The following FBN2 variants were observed in gnomAD, a reference collection of about 807,000 sequenced individuals.
FBN2 encodes fibrillin 2, also known as fibrillin-2.
A neutral mutation model predicts 355.6 loss-of-function variants in FBN2; 105 were observed. That is an observed-to-expected ratio of 0.30 (90% CI 0.25 to 0.35). FBN2 has a LOEUF of 0.35. Ranked by LOEUF, FBN2 falls within the 10% of genes least tolerant of loss-of-function variation. FBN2 has a pLI of 1.00. For synonymous variants in FBN2, 1,350 were observed against 1,301.2 expected (o/e 1.04, Z -0.81); for missense variants, 3,280 against 3,758.7 (o/e 0.87, Z 3.33).
At chr5:128,480,572 T>C (rs1755154963) in intron 5 of FBN2, among the ~76,000 whole-genome samples, 2 of 152,108 alleles carry the variant, frequency 1.3e-5, no homozygotes, top group Admixed American at 1.3e-4. Flanking sequence ...TAGCTGGGCA[T>C]GAGGGCGGGT....
chr5:128,372,460 T>G (rs562692047), intron 15 of FBN2, among the ~76,000 whole-genome samples: 1 of 152,110 alleles, frequency 6.6e-6, no homozygotes, highest in African/African-American at 2.4e-5. Flanking sequence ...AAAATGCTTA[T>G]CCTAATAGTT....
intron 36 of FBN2, among the ~76,000 whole-genome samples, chr5:128,317,661 A>T (rs1231953402): frequency 6.6e-6 from 1 of 152,200 alleles, no homozygotes; most frequent in Non-Finnish European, 1.5e-5. Context: ...TGCTGACCAC[A>T]GATTCTGAAC....
At chr5:128,448,582 C>A (rs1754139035) in intron 6 of FBN2, among the ~76,000 whole-genome samples, 1 of 152,144 alleles carries the variant, frequency 6.6e-6, no homozygotes, top group South Asian at 2.1e-4. Flanking sequence ...GCTGGGATTA[C>A]AGGCATGAGC....
At chr5:128,391,086 C>G (rs1389865384) in intron 11 of FBN2, among the ~76,000 whole-genome samples, 1 of 152,068 alleles carries the variant, frequency 6.6e-6, no homozygotes, top group African/African-American at 2.4e-5. Context: ...TTAGACAAAC[C>G]AATGGACTTT....
intron 7 of FBN2, among the ~76,000 whole-genome samples, chr5:128,445,350 G>GA (rs912247306): frequency 1.2e-4 from 18 of 151,320 alleles, no homozygotes; most frequent in South Asian, 6.3e-4. Flanking sequence ...CAGGGCAAAT[G>GA]AAAAAAAACA....
chr5:128,529,060 C>A (rs1756641569), intron 3 of FBN2, among the ~76,000 whole-genome samples: 2 of 152,214 alleles, frequency 1.3e-5, no homozygotes, highest in Non-Finnish European at 2.9e-5. Context: ...GTTCAAGTAG[C>A]CTGTGGTCAG....
chr5:128,394,122 A>T (rs941907576), intron 9 of FBN2, among the ~76,000 whole-genome samples: 1 of 152,202 alleles, frequency 6.6e-6, no homozygotes, highest in African/African-American at 2.4e-5. Flanking sequence ...TGTAAGAATG[A>T]TTAATGTGTC....
At chr5:128,375,647 C>G (rs1752060611) in intron 14 of FBN2, among the ~76,000 whole-genome samples, 1 of 152,174 alleles carries the variant, frequency 6.6e-6, no homozygotes, top group African/African-American at 2.4e-5. Flanking sequence ...AAGAATTGAG[C>G]ATGATCCTTA....
At chr5:128,319,128 C>G in intron 34 of FBN2, 127 bp from the exon 35 acceptor site, 1 of 721,226 alleles carries the variant, frequency 1.4e-6, no homozygotes, top group South Asian at 1.8e-5. Flanking sequence ...TTTTTTTTCT[C>G]TTTTTTGGCT....
At chr5:128,358,093 T>C (rs190034864) in intron 19 of FBN2, among the ~76,000 whole-genome samples, 1 of 152,288 alleles carries the variant, frequency 6.6e-6, no homozygotes, top group African/African-American at 2.4e-5. Flanking sequence ...AAACAATTCC[T>C]GTTGATGGTC....
chr5:128,301,645 A>G, intron 46 of FBN2, 135 bp from the exon 47 acceptor site: 1 of 813,104 alleles, frequency 1.2e-6, no homozygotes. Context: ...ATCAACAGAG[A>G]AAAATGGCAC....
At chr5:128,536,361 G>T in intron 2 of FBN2, 41 bp downstream of exon 2, 2 of 1,529,444 alleles carry the variant, frequency 1.3e-6, no homozygotes, top group East Asian at 2.3e-5. Flanking sequence ...AGATAGGGCC[G>T]AGTGCGCTGC....
rs2127082802 is a variant in FBN2 at position 128,463,863 on chromosome 5, A to C, written c.826+861T>G. Among the ~76,000 whole-genome samples, 2 of 152,294 alleles carry C rather than the reference A, an allele frequency of 1.3e-5. 1 individual carries two copies. Among genetic ancestry groups the C allele is most frequent in the East Asian group, 3.9e-4 (2 of 5,194 alleles). ...AAATAACCCTAACTCTCAAAGTCTC[A>C]AATATGAATAATATTATTTATGTGA... On this transcript the variant is annotated intron_variant, in intron 6 of 64. Transcript: ENST00000262464.
Position 128,344,370 on chromosome 5 carries a change from G to T in FBN2, c.3343+15C>A, listed in dbSNP as rs1171798081. On this transcript the variant is annotated intron_variant, in intron 25 of 64. Coordinates refer to ENST00000262464, the MANE Select transcript of FBN2 (RefSeq NM_001999.4). ...CAGCCAGAGTTTATCAAATAAAACA[G>T]CAGAACCATCTTACCCGTGCAGTTT... 1.2e-6 allele frequency: 2 copies of T among 1,613,856 alleles called. No homozygotes were observed. Among genetic ancestry groups the T allele is most frequent in the South Asian group, 2.2e-5 (2 of 91,084 alleles).
intron 5 of FBN2, among the ~76,000 whole-genome samples, chr5:128,516,485 C>T (rs576687294): frequency 6.6e-6 from 1 of 151,722 alleles, no homozygotes; most frequent in South Asian, 2.1e-4. Flanking sequence ...AAGTTAAATA[C>T]CATAATCATG....
At chr5:128,298,604 T>C (rs1377328861) in intron 48 of FBN2, among the ~76,000 whole-genome samples, 1 of 152,246 alleles carries the variant, frequency 6.6e-6, no homozygotes, top group African/African-American at 2.4e-5. Context: ...CCATCGCTGA[T>C]ACCCTTTCTT....
rs544175619 is a variant in FBN2, at chr5:128,335,114, T to C, written c.3973+56A>G. 114 of 1,609,066 alleles carry C rather than the reference T, an allele frequency of 7.1e-5. No homozygotes were observed. The African/African-American group carries it at 8.9e-4, about 13-fold the overall frequency. On this transcript the variant is annotated intron_variant, in intron 30 of 64. Transcript: ENST00000262464. The stretch of plus-strand genomic sequence containing the variant: ...TCCTTTTATCACGCTTGTGTGTGCA[T>C]GTGGGTGTGTGTGCATGTGTGTGTA...
At chr5:128,291,923 A>G (rs1749334516) in intron 48 of FBN2, among the ~76,000 whole-genome samples, 1 of 152,036 alleles carries the variant, frequency 6.6e-6, no homozygotes, top group South Asian at 2.1e-4. Flanking sequence ...ACCTGACATG[A>G]ACAACTCCAT....
chr5:128,277,753 C>T, intron 58 of FBN2, 127 bp downstream of exon 58: 1 of 1,113,632 alleles, frequency 9.0e-7, no homozygotes, highest in South Asian at 1.3e-5. Context: ...GAGAGGATGG[C>T]AACATTTTAA....
Sources: allele counts gnomAD v4.1 joint callset (sites outside exome capture counted in the v4.1 genomes callset), GRCh38; gene constraint gnomAD v4.1.1; transcripts MANE v1.5; gene names NCBI Gene and HGNC (gene_info 2026-07-23, HGNC 2026-07-21).